The following PSMD5 variants were observed in gnomAD, a reference collection of about 807,000 sequenced individuals.
The protein encoded by PSMD5 is 26S proteasome non-ATPase regulatory subunit 5.
A neutral mutation model predicts 52.1 loss-of-function variants in PSMD5; 40 were observed. The ratio of observed to expected loss-of-function variants is 0.77; its 90% confidence interval spans 0.60 to 1.00. PSMD5 has a LOEUF of 1.00. Ranked by LOEUF, PSMD5 falls within the 50% of genes least tolerant of loss-of-function variation. The pLI is 0.00. For missense variants in PSMD5, 575 were observed against 605.2 expected (o/e 0.95, Z 0.52); for synonymous variants, 211 against 226.6 (o/e 0.93, Z 0.62).
Position 120,818,171 on chromosome 9 carries a change from G to A in PSMD5, c.1258-8C>T. ...GGGTTGGTTTGCAATGGCCTGAAAT[G>A]GAAGGCAGAAAGAATACAATTCCCC... On this transcript the variant is annotated splice_polypyrimidine_tract_variant and splice_region_variant and intron_variant, in intron 9 of 9. Transcript: ENST00000210313. 6.2e-7 allele frequency: 1 copy of A among 1,606,966 alleles called. No individual in the cohort carries two copies. The highest frequency in any genetic ancestry group is 8.5e-7 in the Non-Finnish European group (1 of 1,174,604).
chr9:120,822,160 A>T (rs535164176), intron 7 of PSMD5, among the ~76,000 whole-genome samples: 2 of 152,310 alleles, frequency 1.3e-5, no homozygotes, highest in Admixed American at 1.3e-4. Flanking sequence ...ATGAAGTGAA[A>T]AATGAGATTT....
chr9:120,842,888 G>A lies in PSMD5; in HGVS notation c.22C>T (p.Leu8=). ...TCCAGCCTCGCTACCTCTCTCAGCA[G>A]CGCCAAAGCCTGGGCTGCCATCTTG... MAAQALA[L]LREVARLEAP... is the part of the protein sequence containing the mutation. The change falls in exon 1 of 10, where the codon CTG becomes TTG. Residue 8 remains leucine (L), a synonymous_variant. Transcript: ENST00000210313. 1.3e-6 allele frequency: 2 copies of A among 1,595,648 alleles called. No individual in the cohort carries two copies. Among genetic ancestry groups the A allele is most frequent in the East Asian group, 2.2e-5 (1 of 44,486 alleles).
intron 4 of PSMD5, among the ~76,000 whole-genome samples, chr9:120,830,593 T>C (rs905875247): frequency 1.3e-5 from 2 of 152,200 alleles, no homozygotes; most frequent in African/African-American, 4.8e-5. Flanking sequence ...TATGGTATCA[T>C]GACATGCAAA....
intron 1 of PSMD5, among the ~76,000 whole-genome samples, chr9:120,834,232 A>G (rs565515848): frequency 2.3e-4 from 35 of 152,070 alleles, no homozygotes; most frequent in African/African-American, 8.2e-4. Flanking sequence ...CTCCCACCTC[A>G]GCCTCCCAAA....
At chr9:120,829,346 A>C in intron 4 of PSMD5, 138 bp from the exon 5 acceptor site, 1 of 1,119,788 alleles carries the variant, frequency 8.9e-7, no homozygotes, top group Non-Finnish European at 1.1e-6. Context: ...TGTCTCTTTA[A>C]GTAGAAAAAC....
At position 120,831,432 on chromosome 9, in the gene PSMD5, G is replaced by C. The variant is rs1257480975; in HGVS notation, c.460C>G (p.Leu154Val). 8.1e-6 allele frequency: 13 copies of C among 1,610,108 alleles called. No homozygotes were observed. The highest frequency in any genetic ancestry group is 9.3e-6 in the Non-Finnish European group (11 of 1,178,916). ...AAAGCCTCCAGTCCAGCTTGGGTTA[G>C]TGATATTCTTGACAGGGATTTGATA... Reference protein sequence around the residue: ...AAIKSLSRISLTQAGLEALFE... With the variant: ...AAIKSLSRISVTQAGLEALFE... Residue 154 changes from leucine (L) to valine (V), a missense_variant, in exon 4 of 10, where the codon CTA becomes GTA. Physicochemically the swap from Leu to Val is conservative, Grantham distance 32 (BLOSUM62 1). Transcript: ENST00000210313.
chr9:120,838,736 G>C (rs1233835521), intron 1 of PSMD5, among the ~76,000 whole-genome samples: 1 of 152,134 alleles, frequency 6.6e-6, no homozygotes, highest in Non-Finnish European at 1.5e-5. Flanking sequence ...AGTTCCTACT[G>C]CATCTCTGCT....
chr9:120,831,287 G>T (rs761721393), intron 4 of PSMD5, 44 bp downstream of exon 4: 2 of 1,534,716 alleles, frequency 1.3e-6, no homozygotes, highest in East Asian at 2.3e-5. Context: ...AAGCCAAACT[G>T]CATTCTGCTT....
At position 120,818,164 on chromosome 9, in the gene PSMD5, C is replaced by T; in HGVS notation, c.1258-1G>A. 2 of 1,609,146 alleles carry T rather than the reference C, an allele frequency of 1.2e-6. No homozygotes were observed. The highest frequency in any genetic ancestry group is 1.1e-5 in the South Asian group (1 of 90,880). On this transcript the variant is annotated splice_acceptor_variant, in intron 9 of 9. Transcript: ENST00000210313. LOFTEE classifies it high-confidence loss of function. ...GAGCCCAGGGTTGGTTTGCAATGGC[C>T]TGAAATGGAAGGCAGAAAGAATACA...
At chr9:120,831,065 G>T (rs771105680) in intron 4 of PSMD5, among the ~76,000 whole-genome samples, 1 of 152,090 alleles carries the variant, frequency 6.6e-6, no homozygotes, top group African/African-American at 2.4e-5. Flanking sequence ...TAAAATCGTT[G>T]TAGAGATGGG....
intron 7 of PSMD5, 82 bp downstream of exon 7, chr9:120,824,412 T>G: frequency 1.4e-6 from 2 of 1,379,580 alleles, no homozygotes; most frequent in Non-Finnish European, 2.1e-6. Flanking sequence ...TACAATGTAG[T>G]TAACCCACCA....
At chr9:120,826,487 G>A in intron 6 of PSMD5, 1 of 307,906 alleles carries the variant, frequency 3.2e-6, no homozygotes, top group Non-Finnish European at 5.9e-6. Context: ...TCTTTATTCT[G>A]TTAACATAGT....
intron 9 of PSMD5, among the ~76,000 whole-genome samples, chr9:120,818,660 T>C (rs997086053): frequency 6.6e-6 from 1 of 151,928 alleles, no homozygotes; most frequent in Non-Finnish European, 1.5e-5. Flanking sequence ...TCTTCATTTA[T>C]AGGAGAATGA....
intron 1 of PSMD5, among the ~76,000 whole-genome samples, chr9:120,835,838 T>A (rs28868295): frequency 1.0e-4 from 15 of 144,482 alleles, no homozygotes; most frequent in South Asian, 4.3e-4. Flanking sequence ...CTTTTCCTTT[T>A]AAAAAAAAAA....
chr9:120,831,346 T>A lies in PSMD5; in HGVS notation c.546A>T (p.Arg182=). The change falls in exon 4 of 10, where the codon CGA becomes CGT. Residue 182 remains arginine (R), a synonymous_variant. Transcript: ENST00000210313. ...KSVMKTNDIV[R]YRVYELIIEI... ...TTTATCTTACCTCATACACCCTGTA[T>A]CGAACAATGTCATTTGTTTTCATTA... 6.2e-7 allele frequency: 1 copy of A among 1,609,322 alleles called. No individual in the cohort carries two copies. The highest frequency in any genetic ancestry group is 2.2e-5 in the East Asian group (1 of 44,782).
intron 2 of PSMD5, 91 bp downstream of exon 2, chr9:120,833,220 GA>G: frequency 7.2e-7 from 1 of 1,393,964 alleles, no homozygotes; most frequent in Admixed American, 1.9e-5. Context: ...GAAGGAGAGA[GA>G]GAAATACTGT....
chr9:120,816,891 T>G lies in PSMD5; in HGVS notation c.*1015A>C, dbSNP rs1284479235. ...TCTGATCAACTCAAGATTGACTTTA[T>G]AGGTATGAAAAATCCAAAGCAAAAC... On this transcript the variant is annotated 3_prime_UTR_variant, in exon 10 of 10. Coordinates refer to ENST00000210313, the MANE Select transcript of PSMD5 (RefSeq NM_005047.4). The G allele has an allele frequency of 1.3e-5, 2 of 152,200 alleles. No homozygotes were observed. Among genetic ancestry groups the G allele is most frequent in the Admixed American group, 1.3e-4 (2 of 15,284 alleles). 9.4% of individuals were successfully genotyped at this position (152,200 alleles called of 1,614,324 possible).
At chr9:120,827,285 A>G (rs2045129367) in intron 5 of PSMD5, among the ~76,000 whole-genome samples, 2 of 152,198 alleles carry the variant, frequency 1.3e-5, no homozygotes, top group Admixed American at 6.5e-5. Flanking sequence ...GGTTATGAAG[A>G]TTTTGCTTTA....
At chr9:120,842,492 C>A in intron 1 of PSMD5, 1 of 562,296 alleles carries the variant, frequency 1.8e-6, no homozygotes, top group East Asian at 3.1e-5. Flanking sequence ...ATGAAGAAGG[C>A]AGTGCCTCAC....
Sources: gnomAD v4.1 joint callset for allele counts (sites outside exome capture counted in the v4.1 genomes callset) on GRCh38, gnomAD v4.1.1 for gene constraint, MANE v1.5 for transcripts, NCBI Gene and HGNC (gene_info 2026-07-23, HGNC 2026-07-21) for gene names.